TXNDC16: variants seen among roughly 807,000 people sequenced by gnomAD.
The protein encoded by TXNDC16 is thioredoxin domain containing 16, also known as thioredoxin domain-containing protein 16.
TXNDC16 carries 74 observed loss-of-function variants against 85.6 expected under a neutral mutation model. That is an observed-to-expected ratio of 0.86 (90% CI 0.72 to 1.05). The LOEUF is 1.05. Ranked by LOEUF, TXNDC16 falls within the 50% of genes least tolerant of loss-of-function variation. The pLI, the probability that TXNDC16 is intolerant of heterozygous loss-of-function variation, is 0.00. For synonymous variants in TXNDC16, 335 were observed against 326.5 expected (o/e 1.03, Z -0.28); for missense variants, 959 against 947.0 (o/e 1.01, Z -0.17).
At chr14:52,535,712 G>C (rs778672196) in intron 6 of TXNDC16, among the ~76,000 whole-genome samples, 7 of 152,172 alleles carry the variant, frequency 4.6e-5, no homozygotes, top group Non-Finnish European at 7.3e-5. Flanking sequence ...CAGGCCTGGA[G>C]ATTCCAGGCC....
chr14:52,476,046 A>G (rs2036013466), intron 14 of TXNDC16, among the ~76,000 whole-genome samples: 1 of 152,178 alleles, frequency 6.6e-6, no homozygotes, highest in South Asian at 2.1e-4. Context: ...AGCCTGGTAG[A>G]CTTGCTGGGT....
chr14:52,542,504 A>T (rs373054852), intron 3 of TXNDC16, 51 bp from the exon 4 acceptor site: 5 of 1,350,540 alleles, frequency 3.7e-6, no homozygotes, highest in African/African-American at 2.9e-5. Flanking sequence ...CTTAAAAATG[A>T]ATTTTAAAAT....
At chr14:52,516,455 G>A (rs952717005) in intron 7 of TXNDC16, among the ~76,000 whole-genome samples, 3 of 152,106 alleles carry the variant, frequency 2.0e-5, no homozygotes, top group African/African-American at 4.8e-5. Context: ...TAAGAAGTTC[G>A]ATGCTATTCT....
At position 52,430,886 on chromosome 14, in the gene TXNDC16, T is replaced by G. The variant is rs536061579; in HGVS notation, c.*1418A>C. 13 of 152,338 alleles carry G rather than the reference T, an allele frequency of 8.5e-5. No homozygotes were observed. The South Asian group carries it at 2.7e-3, about 32-fold the overall frequency. 9.4% of individuals were successfully genotyped at this position (152,338 alleles called of 1,614,324 possible). On this transcript the variant is annotated 3_prime_UTR_variant, in exon 21 of 21. Coordinates refer to ENST00000281741, the MANE Select transcript of TXNDC16 (RefSeq NM_020784.3). ...GGTGCTGAGAGTAGCAACGGGTCTA[T>G]GTTATAAGGAAATATATGCACTTAC...
intron 7 of TXNDC16, among the ~76,000 whole-genome samples, chr14:52,518,620 A>C (rs1376287999): frequency 6.6e-6 from 1 of 152,112 alleles, no homozygotes; most frequent in African/African-American, 2.4e-5. Flanking sequence ...CTCTTGCTTG[A>C]CTTATTGCAA....
At position 52,432,271 on chromosome 14, in the gene TXNDC16, CA is replaced by C. The variant is rs770647972; in HGVS notation, c.*32del. On this transcript the variant is annotated 3_prime_UTR_variant, in exon 21 of 21. Coordinates refer to ENST00000281741, the MANE Select transcript of TXNDC16 (RefSeq NM_020784.3). ...AGGAAATAAATTAAGTCTATCATGCCAAAAAAATTTTGGAAACCACAGCCCT... is the reference window on the plus strand; with the variant it reads ...AGGAAATAAATTAAGTCTATCATGCCAAAAAATTTTGGAAACCACAGCCCT... The C allele has an allele frequency of 1.3e-6, 2 of 1,539,040 alleles. No individual in the cohort carries two copies. The highest frequency in any genetic ancestry group is 1.7e-6 in the Non-Finnish European group (2 of 1,147,844).
chr14:52,523,898 T>C (rs544918878), intron 6 of TXNDC16, among the ~76,000 whole-genome samples: 6 of 152,380 alleles, frequency 3.9e-5, no homozygotes, highest in Admixed American at 6.5e-5. Context: ...ATATGTCATG[T>C]ACCACATATG....
chr14:52,512,494 A>C (rs901727883), intron 8 of TXNDC16, among the ~76,000 whole-genome samples: 9 of 152,214 alleles, frequency 5.9e-5, no homozygotes, highest in African/African-American at 1.9e-4. Flanking sequence ...CAATGAAAGC[A>C]TATAACTTGT....
chr14:52,517,935 C>G (rs1240029677), intron 7 of TXNDC16, among the ~76,000 whole-genome samples: 1 of 152,178 alleles, frequency 6.6e-6, no homozygotes, highest in Non-Finnish European at 1.5e-5. Flanking sequence ...TAAACCCCTA[C>G]CACTCTACAG....
intron 6 of TXNDC16, among the ~76,000 whole-genome samples, chr14:52,522,009 T>A (rs983916761): frequency 6.6e-6 from 1 of 152,176 alleles, no homozygotes; most frequent in Admixed American, 6.5e-5. Context: ...AGAATGGCAA[T>A]GGAGTCTCAG....
chr14:52,494,116 G>T (rs987614809), intron 9 of TXNDC16, among the ~76,000 whole-genome samples: 1 of 151,192 alleles, frequency 6.6e-6, no homozygotes, highest in Admixed American at 6.6e-5. Flanking sequence ...GTAAGTATAG[G>T]ATTCTCTTCG....
chr14:52,529,111 A>T (rs1431284122), intron 6 of TXNDC16, among the ~76,000 whole-genome samples: 3 of 151,110 alleles, frequency 2.0e-5, no homozygotes, highest in Non-Finnish European at 4.4e-5. Context: ...GATTAAGAAA[A>T]TGTGGCACAT....
In TXNDC16 at chr14:52,457,123, GT is replaced by G. The variant is rs1340450209; in HGVS notation, c.1669del (p.Thr557LeufsTer33). 1.3e-6 allele frequency: 2 copies of G among 1,593,172 alleles called. No individual in the cohort carries two copies. Among genetic ancestry groups the G allele is most frequent in the African/African-American group, 2.7e-5 (2 of 73,500 alleles). ...AACATCTTCTTCAGAATAAATTCCA[GT>G]GATAACATATCCTTTTAGGTAGTTT... The part of the protein sequence containing the change: ...AGNYLKGYVI[T>X]GIYSEEDVLL... On this transcript the variant is annotated frameshift_variant, in exon 17 of 21. Coordinates refer to ENST00000281741, the MANE Select transcript of TXNDC16 (RefSeq NM_020784.3). LOFTEE classifies it high-confidence loss of function.
At chr14:52,517,933 T>C (rs1007596313) in intron 7 of TXNDC16, among the ~76,000 whole-genome samples, 2 of 152,172 alleles carry the variant, frequency 1.3e-5, no homozygotes, top group Non-Finnish European at 1.5e-5. Flanking sequence ...ATTAAACCCC[T>C]ACCACTCTAC....
chr14:52,469,578 A>C (rs1232000001), intron 16 of TXNDC16, among the ~76,000 whole-genome samples: 1 of 151,916 alleles, frequency 6.6e-6, no homozygotes, highest in Non-Finnish European at 1.5e-5. Context: ...CCCCGTCTCT[A>C]CTAAACACAC....
intron 9 of TXNDC16, among the ~76,000 whole-genome samples, chr14:52,496,266 A>G (rs1310984897): frequency 6.6e-6 from 1 of 152,124 alleles, no homozygotes; most frequent in Non-Finnish European, 1.5e-5. Context: ...GAAGCGGGGA[A>G]AAATGGAGGC....
chr14:52,453,933 A>C (rs1020873368), intron 18 of TXNDC16, among the ~76,000 whole-genome samples: 5 of 152,342 alleles, frequency 3.3e-5, no homozygotes, highest in African/African-American at 9.6e-5. Context: ...TAATGGGTAC[A>C]AAAACTAGTT....
intron 9 of TXNDC16, among the ~76,000 whole-genome samples, chr14:52,497,908 A>C (rs889043274): frequency 4.4e-4 from 67 of 151,412 alleles, no homozygotes; most frequent in Non-Finnish European, 8.8e-4. Context: ...AAACCTACCA[A>C]ACTGAATTCA....
intron 6 of TXNDC16, among the ~76,000 whole-genome samples, chr14:52,536,294 C>A (rs968647782): frequency 6.6e-6 from 1 of 152,148 alleles, no homozygotes; most frequent in Admixed American, 6.5e-5. Flanking sequence ...ACCAAATCTG[C>A]CAGTACTTTG....
Sources: allele counts gnomAD v4.1 joint callset (sites outside exome capture counted in the v4.1 genomes callset), GRCh38; gene constraint gnomAD v4.1.1; transcripts MANE v1.5; gene names NCBI Gene and HGNC (gene_info 2026-07-23, HGNC 2026-07-21).